Variants in DLX6 observed in about 807,000 individuals in gnomAD.
DLX6 encodes the protein homeobox protein DLX-6.
Under a neutral mutation model 33.5 loss-of-function variants are expected in DLX6, and 4 were observed. The ratio of observed to expected loss-of-function variants is 0.12; its 90% confidence interval spans 0.06 to 0.27. The LOEUF (loss-of-function observed/expected upper bound fraction) is 0.27, where lower values mean the gene tolerates loss of function less well. Among genes scored for constraint, DLX6 ranks in the 10% least tolerant of loss-of-function variants. The probability of loss-of-function intolerance (pLI) is 1.00; values close to 1 mark genes in which losing one functional copy is unlikely to be tolerated. For synonymous variants in DLX6, 184 were observed against 164.8 expected, an observed-to-expected ratio of 1.12 and a Z score of -0.89; for missense variants, 382 against 393.3, an observed-to-expected ratio of 0.97 and a Z score of 0.24.
rs1789834172 is a variant in DLX6, at chr7:97,010,923, T to C, written c.*876T>C. 6.7e-6 allele frequency: 1 copy of C among 149,486 alleles called. No individual in the cohort carries two copies. The highest frequency in any genetic ancestry group is 1.5e-5 in the Non-Finnish European group (1 of 67,724). 9.3% of individuals were successfully genotyped at this position (149,486 alleles called of 1,614,324 possible). The stretch of plus-strand genomic sequence containing the variant: ...GGTGAATTGGTGGCATTCACAAAGC[T>C]AATAGGGACGTTTATATCAAGAAAC... On this transcript the variant is annotated 3_prime_UTR_variant, in exon 3 of 3. Coordinates refer to ENST00000518156, the MANE Select transcript of DLX6 (RefSeq NM_005222.4).
At position 97,006,084 on chromosome 7, in the gene DLX6, A is replaced by T; in HGVS notation, c.107A>T (p.Gln36Leu). ...CAGCAGCAGCAGCAGCAACAGCAGC[A>T]GCAGCAGCAGCAGCAACAGCAACAG... is the stretch of plus-strand genomic sequence containing the variant. ...QQQQQQQQQQQQQQQQQQQPP... is the reference protein window; with the variant it reads ...QQQQQQQQQQLQQQQQQQQPP... Residue 36 changes from glutamine (Q) to leucine (L), a missense_variant, in exon 1 of 3, where the codon CAG (glutamine) becomes CTG (leucine). This residue lies in a region of DLX6 where 257 missense variants were observed against 206.9 expected (regional missense o/e 1.24). Coordinates refer to ENST00000518156, the MANE Select transcript of DLX6 (RefSeq NM_005222.4). 1 of 1,560,036 alleles carries T rather than the reference A, an allele frequency of 6.4e-7. No individual in the cohort carries two copies. Among genetic ancestry groups the T allele is most frequent in the Non-Finnish European group, 8.7e-7 (1 of 1,153,522 alleles).
chr7:97,006,161 C>T lies in DLX6; in HGVS notation c.184C>T (p.Pro62Ser), dbSNP rs748472818. ...PPQPHSQQSSPAMAGAHYPLH... is the reference protein window; with the variant it reads ...PPQPHSQQSSSAMAGAHYPLH... ...GCAGCCGCACTCGCAGCAGAGCTCC[C>T]CGGCCATGGCAGGCGCGCACTACCC... The change falls in exon 1 of 3, where the codon CCG (proline) becomes TCG (serine). Residue 62 changes from proline (P) to serine (S), a missense_variant. By Grantham distance (74) the Pro-to-Ser change is moderately conservative. Transcript: ENST00000518156. 254 of 1,543,136 alleles carry T rather than the reference C, an allele frequency of 1.6e-4. No homozygotes were observed. Among genetic ancestry groups the T allele is most frequent in the Non-Finnish European group, 2.1e-4 (241 of 1,141,304 alleles).
In DLX6 at chr7:97,009,915, G is replaced by T. The variant is rs781159910; in HGVS notation, c.750G>T (p.Ala250=). The change falls in exon 3 of 3, where the codon GCG becomes GCT. Residue 250 remains alanine, a synonymous_variant. Coordinates refer to ENST00000518156, the MANE Select transcript of DLX6 (RefSeq NM_005222.4). ...CGGCCCTGTCGCCACGCTCGCCAGC[G>T]CTGCCTCCAGTCTGGGACGTTTCTG... ...GSAALSPRSP[A]LPPVWDVSAS... 1.2e-6 allele frequency: 2 copies of T among 1,613,838 alleles called. No homozygotes were observed. Among genetic ancestry groups the T allele is most frequent in the Admixed American group, 1.7e-5 (1 of 60,010 alleles).
At chr7:97,007,552 G>A (rs776516840) in intron 1 of DLX6, 86 bp from the exon 2 acceptor site, 1 of 1,289,220 alleles carries the variant, frequency 7.8e-7, no homozygotes, top group African/African-American at 1.5e-5. Flanking sequence ...GGGCTTTGGG[G>A]AGACTCGTTG....
At position 97,006,329 on chromosome 7, in the gene DLX6, T is replaced by C; in HGVS notation, c.352T>C (p.Tyr118His). Residue 118 changes from tyrosine to histidine, a missense_variant, in exon 1 of 3, where the codon TAC becomes CAC. By Grantham distance (83) the Tyr-to-His change is moderately conservative (BLOSUM62 2). This residue lies in a region of DLX6 where 257 missense variants were observed against 206.9 expected (regional missense o/e 1.24). Coordinates refer to ENST00000518156, the MANE Select transcript of DLX6 (RefSeq NM_005222.4). ...YNHRSLAAYP[Y>H]MSHSQHSPYL... ...CCACCGCTCGCTCGCCGCCTACCCC[T>C]ACATGAGCCACTCGCAGCACAGCCC... 6.6e-7 allele frequency: 1 copy of C among 1,513,954 alleles called. No individual in the cohort carries two copies. Among genetic ancestry groups the C allele is most frequent in the Non-Finnish European group, 8.9e-7 (1 of 1,127,856 alleles). The allele number at this position is 1,513,954 out of a possible 1,614,324, so 93.8% of individuals were successfully genotyped here. A position where few individuals can be genotyped will look rare whatever the true frequency, so the allele number is the denominator to read the frequency against.
At chr7:97,007,536 C>G (rs1247386012) in intron 1 of DLX6, 102 bp from the exon 2 acceptor site, 8 of 1,114,886 alleles carry the variant, frequency 7.2e-6, no homozygotes, top group Middle Eastern at 1.9e-4. Context: ...CGAGGTAACC[C>G]TTATTGGGCT....
Position 97,009,963 on chromosome 7 carries a change from G to A in DLX6, c.798G>A (p.Met266Ile). Residue 266 changes from methionine (M) to isoleucine (I), a missense_variant, in exon 3 of 3, where the codon ATG (methionine) becomes ATA (isoleucine). Coordinates refer to ENST00000518156, the MANE Select transcript of DLX6 (RefSeq NM_005222.4). ...CTGCCTCGGCCAAGGGTGTCAGTAT[G>A]CCCCCCAACAGCTACATGCCTGGCT... ...DVSASAKGVSMPPNSYMPGYS... is the reference protein window; with the variant it reads ...DVSASAKGVSIPPNSYMPGYS... 2 of 1,613,608 alleles carry A rather than the reference G, an allele frequency of 1.2e-6. No homozygotes were observed. The highest frequency in any genetic ancestry group is 2.7e-5 in the African/African-American group (2 of 75,024).
chr7:97,009,642 G>A (rs553048373), intron 2 of DLX6, among the ~76,000 whole-genome samples, 154 bp from the exon 3 acceptor site: 1 of 152,306 alleles, frequency 6.6e-6, no homozygotes, highest in Non-Finnish European at 1.5e-5. Context: ...AGAAAGAGGT[G>A]GAAGGAGGCG....
At chr7:97,009,732 C>G (rs1172849678) in intron 2 of DLX6, 64 bp from the exon 3 acceptor site, 23 of 1,559,648 alleles carry the variant, frequency 1.5e-5, no homozygotes, top group Non-Finnish European at 1.9e-5. Flanking sequence ...TTCTAAATCC[C>G]TGAGTGACGT....
chr7:97,006,381 G>C lies in DLX6; in HGVS notation c.404G>C (p.Ser135Thr), dbSNP rs2115866932. 6.9e-7 allele frequency: 1 copy of C among 1,444,840 alleles called. No homozygotes were observed. The highest frequency in any genetic ancestry group is 1.4e-5 in the African/African-American group (1 of 69,050). The allele number at this position is 1,444,840 out of a possible 1,614,324, so 89.5% of individuals were successfully genotyped here. The change falls in exon 1 of 3, where the codon AGC becomes ACC. Residue 135 changes from serine (S) to threonine (T), a missense_variant. Around this residue, in one of 4 missense-constraint regions of DLX6, gnomAD observed 257 missense variants for 206.9 expected, o/e 1.24. Transcript: ENST00000518156. The part of the protein sequence containing the change: ...SPYLQSYHNS[S>T]AAAQTRGDDT... ...TACCTCCAGTCCTACCACAACAGCA[G>C]CGCAGCCGCCCAGACGCGAGGGGAC...
rs1789735300 is a variant in DLX6 at position 97,006,495 on chromosome 7, CG to C, written c.436+85del. 3 of 1,229,418 alleles carry C rather than the reference CG, an allele frequency of 2.4e-6. No homozygotes were observed. In the Admixed American group the frequency reaches 1.3e-4, roughly 52 times the overall value. 76.2% of individuals were successfully genotyped at this position (1,229,418 alleles called of 1,614,324 possible). ...CCCGCCCGCTCACTTCCTCGACGCCCGGGCCTCCGCCGGCCCCCTCCCCCAG... is the reference window on the plus strand; with the variant it reads ...CCCGCCCGCTCACTTCCTCGACGCCCGGCCTCCGCCGGCCCCCTCCCCCAG... On this transcript the variant is annotated intron_variant, in intron 1 of 2. Coordinates refer to ENST00000518156, the MANE Select transcript of DLX6 (RefSeq NM_005222.4).
At position 97,010,797 on chromosome 7, in the gene DLX6, C is replaced by T. The variant is rs975414589; in HGVS notation, c.*750C>T. On this transcript the variant is annotated 3_prime_UTR_variant, in exon 3 of 3. Coordinates refer to ENST00000518156, the MANE Select transcript of DLX6 (RefSeq NM_005222.4). ...TGATTAAAAAAAAACAAAACAAAAA[C>T]CACTCTTTCCCCACCCCACCCCCCC... The T allele has an allele frequency of 6.6e-6, 1 of 151,324 alleles. No individual in the cohort carries two copies. Among genetic ancestry groups the T allele is most frequent in the Non-Finnish European group, 1.5e-5 (1 of 67,714 alleles). The allele number at this position is 151,324 out of a possible 1,614,324, so 9.4% of individuals were successfully genotyped here.
Position 97,006,359 on chromosome 7 carries a change from C to T in DLX6, c.382C>T (p.Leu128Phe), listed in dbSNP as rs771689786. Residue 128 changes from leucine to phenylalanine, a missense_variant, in exon 1 of 3, where the codon CTC becomes TTC. Physicochemically the swap from Leu to Phe is conservative, Grantham distance 22. This residue lies in a region of DLX6 where 257 missense variants were observed against 206.9 expected (regional missense o/e 1.24). Coordinates refer to ENST00000518156, the MANE Select transcript of DLX6 (RefSeq NM_005222.4). ...GAGCCACTCGCAGCACAGCCCTTAC[C>T]TCCAGTCCTACCACAACAGCAGCGC... ...YMSHSQHSPY[L>F]QSYHNSSAAA... 5.1e-5 allele frequency: 76 copies of T among 1,484,694 alleles called. No individual in the cohort carries two copies. The highest frequency in any genetic ancestry group is 6.7e-5 in the Non-Finnish European group (75 of 1,111,356). 92.0% of individuals were successfully genotyped at this position (1,484,694 alleles called of 1,614,324 possible). A position where few individuals can be genotyped will look rare whatever the true frequency, so the allele number is the denominator to read the frequency against.
At position 97,010,065 on chromosome 7, in the gene DLX6, CCTAGGGAAACG is replaced by C; in HGVS notation, c.*19_*29del. The C allele has an allele frequency of 6.4e-7, 1 of 1,571,926 alleles. No individual in the cohort carries two copies. Among genetic ancestry groups the C allele is most frequent in the Non-Finnish European group, 8.6e-7 (1 of 1,158,030 alleles). ...TGATGTGAGTTGCCCAAGGGAACACCCTAGGGAAACGTCTGAACAAGGAAAAGAGGATCCGG... is the reference window on the plus strand; with the variant it reads ...TGATGTGAGTTGCCCAAGGGAACACCTCTGAACAAGGAAAAGAGGATCCGG... On this transcript the variant is annotated 3_prime_UTR_variant, in exon 3 of 3. Coordinates refer to ENST00000518156, the MANE Select transcript of DLX6 (RefSeq NM_005222.4).
In DLX6 at chr7:97,006,313, G is replaced by A; in HGVS notation, c.336G>A (p.Ser112=). Residue 112 remains serine, a synonymous_variant, in exon 1 of 3, where the codon TCG becomes TCA. Transcript: ENST00000518156. The stretch of plus-strand genomic sequence containing the variant: ...GAGGGAACTCCTACAACCACCGCTC[G>A]CTCGCCGCCTACCCCTACATGAGCC... ...SGGGNSYNHR[S]LAAYPYMSHS... is the part of the protein sequence containing the mutation. 1 of 1,522,508 alleles carries A rather than the reference G, an allele frequency of 6.6e-7. No individual in the cohort carries two copies. Among genetic ancestry groups the A allele is most frequent in the East Asian group, 2.7e-5 (1 of 37,626 alleles). 94.3% of individuals were successfully genotyped at this position (1,522,508 alleles called of 1,614,324 possible).
rs982906690 is a variant in DLX6 at position 97,010,780 on chromosome 7, AAAAAAC to A, written c.*738_*743del. On this transcript the variant is annotated 3_prime_UTR_variant, in exon 3 of 3. Coordinates refer to ENST00000518156, the MANE Select transcript of DLX6 (RefSeq NM_005222.4). The stretch of plus-strand genomic sequence containing the variant: ...TGACCAGGAATGATGGTTGATTAAA[AAAAAAC>A]AAAACAAAAACCACTCTTTCCCCAC... 1 of 152,374 alleles carries A rather than the reference AAAAAAC, an allele frequency of 6.6e-6. No individual in the cohort carries two copies. Among genetic ancestry groups the A allele is most frequent in the Non-Finnish European group, 1.5e-5 (1 of 67,984 alleles). The allele number at this position is 152,374 out of a possible 1,614,324, so 9.4% of individuals were successfully genotyped here. A position where few individuals can be genotyped will look rare whatever the true frequency, so the allele number is the denominator to read the frequency against.
chr7:97,006,224 G>A lies in DLX6; in HGVS notation c.247G>A (p.Ala83Thr), dbSNP rs1053413770. ...GCACTCGGCGGCGGCGGCGGCAGCG[G>A]CCGGCTCGCACCACCACCACCACCA... ...CLHSAAAAAA[A>T]GSHHHHHHQH... The change falls in exon 1 of 3, where the codon GCC (alanine) becomes ACC (threonine). Residue 83 changes from alanine to threonine, a missense_variant. By Grantham distance (58) the Ala-to-Thr change is moderately conservative (BLOSUM62 0). Around this residue, in one of 4 missense-constraint regions of DLX6, gnomAD observed 257 missense variants for 206.9 expected, o/e 1.24. Coordinates refer to ENST00000518156, the MANE Select transcript of DLX6 (RefSeq NM_005222.4). The A allele has an allele frequency of 3.3e-6, 5 of 1,512,082 alleles. No homozygotes were observed. The Admixed American group carries it at 8.4e-5, about 25-fold the overall frequency. 93.7% of individuals were successfully genotyped at this position (1,512,082 alleles called of 1,614,324 possible). A position where few individuals can be genotyped will look rare whatever the true frequency, so the allele number is the denominator to read the frequency against.
At chr7:97,007,487 G>C in intron 1 of DLX6, 151 bp from the exon 2 acceptor site, 1 of 735,650 alleles carries the variant, frequency 1.4e-6, no homozygotes, top group Non-Finnish European at 2.4e-6. Context: ...CACACGGGCA[G>C]AGTGGACCAA....
At position 97,006,097 on chromosome 7, in the gene DLX6, GCAA is replaced by G. The variant is rs768376154; in HGVS notation, c.123_125del (p.Gln44del). 5 of 1,545,788 alleles carry G rather than the reference GCAA, an allele frequency of 3.2e-6. No homozygotes were observed. Among genetic ancestry groups the G allele is most frequent in the South Asian group, 1.2e-5 (1 of 84,388 alleles). On this transcript the variant is annotated inframe_deletion, in exon 1 of 3. Coordinates refer to ENST00000518156, the MANE Select transcript of DLX6 (RefSeq NM_005222.4). ...AGCAACAGCAGCAGCAGCAGCAGCA[GCAA>G]CAGCAACAGCCGCCGCCGCCGCCGC...
Sources: gnomAD v4.1 joint callset for allele counts (sites outside exome capture counted in the v4.1 genomes callset) on GRCh38, gnomAD v4.1.1 for gene constraint, gnomAD v4.1.1 regional missense constraint, MANE v1.5 for transcripts, NCBI Gene and HGNC (gene_info 2026-07-23, HGNC 2026-07-21) for gene names.